Variants in PDE2A observed in about 807,000 individuals in gnomAD.
The protein encoded by PDE2A is phosphodiesterase 2A.
PDE2A carries 53 observed loss-of-function variants against 133.6 expected under a neutral mutation model. The ratio of observed to expected loss-of-function variants is 0.40; its 90% CI spans 0.32 to 0.50. The LOEUF is 0.50. Ranked by LOEUF, PDE2A falls within the 20% of genes least tolerant of loss-of-function variation. The probability of loss-of-function intolerance (pLI) is 0.73; values close to 1 mark genes in which losing one functional copy is unlikely to be tolerated. For missense variants in PDE2A, 796 were observed against 1,232.4 expected, an observed-to-expected ratio of 0.65 and a Z score of 5.30; for synonymous variants, 491 against 490.2, an observed-to-expected ratio of 1.00 and a Z score of -0.02.
intron 4 of PDE2A, chr11:72,598,931 G>A (rs930739454): frequency 1.0e-6 from 1 of 985,272 alleles, no homozygotes; most frequent in African/African-American, 1.7e-5. Flanking sequence ...TGTCCACATT[G>A]CCAGTCACCC....
chr11:72,625,611 C>T (rs1271990086), intron 2 of PDE2A, among the ~76,000 whole-genome samples: 1 of 152,180 alleles, frequency 6.6e-6, no homozygotes, highest in Non-Finnish European at 1.5e-5. Flanking sequence ...CTGGAGGAGA[C>T]AGGATGGACC....
At chr11:72,658,476 A>C (rs763478382) in intron 1 of PDE2A, among the ~76,000 whole-genome samples, 1 of 150,952 alleles carries the variant, frequency 6.6e-6, no homozygotes, top group Non-Finnish European at 1.5e-5. Context: ...CTGCCCCCCC[A>C]CACACCCTAG....
chr11:72,578,000 T>C (rs1307946452), intron 30 of PDE2A, among the ~76,000 whole-genome samples: 1 of 152,098 alleles, frequency 6.6e-6, no homozygotes, highest in Non-Finnish European at 1.5e-5. Flanking sequence ...CACAAGAATG[T>C]GAGACAGAGG....
intron 6 of PDE2A, 39 bp downstream of exon 6, chr11:72,596,554 C>A: frequency 5.3e-6 from 7 of 1,313,134 alleles, no homozygotes; most frequent in Non-Finnish European, 7.2e-6. Flanking sequence ...CTCCCATGGT[C>A]TCCTCTCCCT....
At chr11:72,666,232 A>G (rs141638883) in intron 1 of PDE2A, among the ~76,000 whole-genome samples, 1 of 152,290 alleles carries the variant, frequency 6.6e-6, no homozygotes, top group East Asian at 1.9e-4. Flanking sequence ...CTTCCAGGTC[A>G]GACACTCCCC....
At chr11:72,620,794 G>C (rs1857725902) in intron 2 of PDE2A, among the ~76,000 whole-genome samples, 1 of 152,064 alleles carries the variant, frequency 6.6e-6, no homozygotes, top group Non-Finnish European at 1.5e-5. Flanking sequence ...AAGGACGGCA[G>C]GGGAGAGGAG....
chr11:72,590,556 G>C lies in PDE2A; in HGVS notation c.574C>G (p.Gln192Glu). 5.0e-6 allele frequency: 7 copies of C among 1,398,754 alleles called. 1 individual carries two copies. The South Asian group carries it at 9.6e-5, about 19-fold the overall frequency. 86.6% of individuals were successfully genotyped at this position (1,398,754 alleles called of 1,614,324 possible). The part of the protein sequence containing the change: ...KHTLVALRRV[Q>E]VLQQRGPREA... ...CTGGGCCCGCGCTGCTGCAGGACCT[G>C]CACCCTCCGCAGGGCGACCAGGGTC... Residue 192 changes from glutamine (Q) to glutamate (E), a missense_variant, in exon 8 of 31, where the codon CAG becomes GAG. Coordinates refer to ENST00000334456, the MANE Select transcript of PDE2A (RefSeq NM_002599.5). The surrounding 1 kb of genome is among the most constrained non-coding windows in gnomAD (Gnocchi z 4.8).
At position 72,582,518 on chromosome 11, in the gene PDE2A, C is replaced by T. The variant is rs1270715916; in HGVS notation, c.1777G>A (p.Val593Met). 9 of 1,613,264 alleles carry T rather than the reference C, an allele frequency of 5.6e-6. No homozygotes were observed. Among genetic ancestry groups the T allele is most frequent in the Non-Finnish European group, 7.6e-6 (9 of 1,179,308 alleles). Reference sequence around the variant, plus strand: ...GCAAAATTGGAGTCAATGGCAGCCACAGGCTGGATCCCATCATGGAGAAGT... The same window carrying T: ...GCAAAATTGGAGTCAATGGCAGCCATAGGCTGGATCCCATCATGGAGAAGT... ...TKLLHDGIQPVAAIDSNFASF... is the reference protein window; with the variant it reads ...TKLLHDGIQPMAAIDSNFASF... The change falls in exon 21 of 31, where the codon GTG becomes ATG. Residue 593 changes from valine to methionine, a missense_variant. Val to Met is a conservative substitution (Grantham distance 21). Transcript: ENST00000334456.
At chr11:72,605,372 T>C (rs1856927177) in intron 3 of PDE2A, 146 bp from the exon 4 acceptor site, 2 of 449,652 alleles carry the variant, frequency 4.4e-6, no homozygotes, top group African/African-American at 2.0e-5. Context: ...TCTCTCCAGG[T>C]GATTCTAAGA....
At position 72,642,269 on chromosome 11, in the gene PDE2A, G is replaced by A. The variant is rs747892572; in HGVS notation, c.129C>T (p.Cys43=). The A allele has an allele frequency of 4.5e-6, 7 of 1,544,044 alleles. No homozygotes were observed. The East Asian group carries it at 1.3e-4, about 28-fold the overall frequency. The change falls in exon 2 of 31, where the codon TGC becomes TGT. Residue 43 remains cysteine, a synonymous_variant. Coordinates refer to ENST00000334456, the MANE Select transcript of PDE2A (RefSeq NM_002599.5). ...PDEPPPPPQP[C]ADSLQDALLS... The stretch of plus-strand genomic sequence containing the variant: ...GCCCCCCTACCTGCAGGCTGTCGGC[G>A]CATGGCTGCGGCGGCGGCGGCGGCT...
chr11:72,664,409 T>C (rs1031507278), intron 1 of PDE2A, among the ~76,000 whole-genome samples: 7 of 141,526 alleles, frequency 4.9e-5, no homozygotes, highest in Non-Finnish European at 1.1e-4. Flanking sequence ...AGTCTTGCTC[T>C]GTCCCTCAGG....
chr11:72,585,270 G>A (rs1855912939), intron 16 of PDE2A, 101 bp downstream of exon 16: 5 of 976,412 alleles, frequency 5.1e-6, no homozygotes, highest in Non-Finnish European at 8.1e-6. Context: ...ATGAAGTCCC[G>A]CAGAAGGCAG....
Position 72,590,519 on chromosome 11 carries a change from C to A in PDE2A, c.611G>T (p.Arg204Leu). ...LQQRGPREAP[R>L]AVQNPPEGTA... ...CCCCTCCGGGGGGTTCTGGACGGCT[C>A]GGGGAGCCTCCCTGGGCCCGCGCTG... Residue 204 changes from arginine (R) to leucine (L), a missense_variant, in exon 8 of 31, where the codon CGA becomes CTA. This residue lies in a region of PDE2A where 417 missense variants were observed against 475.3 expected (regional missense o/e 0.88). Coordinates refer to ENST00000334456, the MANE Select transcript of PDE2A (RefSeq NM_002599.5). The surrounding 1 kb of genome is among the most constrained non-coding windows in gnomAD (Gnocchi z 4.8). The A allele has an allele frequency of 6.8e-7, 1 of 1,466,868 alleles. No individual in the cohort carries two copies. Among genetic ancestry groups the A allele is most frequent in the South Asian group, 1.4e-5 (1 of 71,948 alleles). The allele number at this position is 1,466,868 out of a possible 1,614,324, so 90.9% of individuals were successfully genotyped here.
rs1438817837 is a variant in PDE2A at position 72,577,438 on chromosome 11, A to G, written c.2772T>C (p.Asp924=). The change falls in exon 31 of 31, where the codon GAT becomes GAC. Residue 924 remains aspartate, a synonymous_variant. Transcript: ENST00000334456. ...DFLDEEYEVP[D]LDGTRAPING... Reference sequence around the variant, plus strand: ...TGATGGGGGCCCTAGTGCCATCCAGATCAGGCACCTCGTACTCCTCATCCA... The same window carrying G: ...TGATGGGGGCCCTAGTGCCATCCAGGTCAGGCACCTCGTACTCCTCATCCA... 1 of 1,614,048 alleles carries G rather than the reference A, an allele frequency of 6.2e-7. No homozygotes were observed. Among genetic ancestry groups the G allele is most frequent in the South Asian group, 1.1e-5 (1 of 91,080 alleles).
intron 2 of PDE2A, among the ~76,000 whole-genome samples, chr11:72,621,102 C>T (rs1032584935): frequency 2.6e-5 from 4 of 152,102 alleles, no homozygotes; most frequent in African/African-American, 7.2e-5. Flanking sequence ...AATTGAGGCT[C>T]AAGAGATAAA....
At chr11:72,631,000 G>T in intron 2 of PDE2A, 1 of 1,207,378 alleles carries the variant, frequency 8.3e-7, no homozygotes, top group Non-Finnish European at 1.2e-6. Flanking sequence ...CCAAGGGGGA[G>T]GGCACCACTC....
intron 16 of PDE2A, 51 bp downstream of exon 16, chr11:72,585,320 G>T (rs544157680): frequency 2.0e-6 from 3 of 1,476,556 alleles, no homozygotes; most frequent in East Asian, 2.3e-5. Context: ...AGATGATGGG[G>T]ACTGAAGGCC....
At chr11:72,653,384 G>C (rs2135450360) in intron 1 of PDE2A, among the ~76,000 whole-genome samples, 1 of 152,314 alleles carries the variant, frequency 6.6e-6, no homozygotes, top group East Asian at 1.9e-4. Context: ...TCGGGAAGGT[G>C]GAAAAAGATA....
At chr11:72,625,899 G>A (rs1858036452) in intron 2 of PDE2A, among the ~76,000 whole-genome samples, 1 of 152,224 alleles carries the variant, frequency 6.6e-6, no homozygotes, top group East Asian at 1.9e-4. Flanking sequence ...TATTTCCCGG[G>A]AAACGGAACT....
Sources: allele counts gnomAD v4.1 joint callset (sites outside exome capture counted in the v4.1 genomes callset), GRCh38; gene constraint gnomAD v4.1.1; regional missense constraint gnomAD v4.1.1; non-coding constraint Gnocchi (gnomAD v3.1); transcripts MANE v1.5; gene names NCBI Gene and HGNC (gene_info 2026-07-23, HGNC 2026-07-21).